The following PLXDC2 variants were observed in gnomAD, a reference collection of about 807,000 sequenced individuals.
PLXDC2 encodes plexin domain containing 2.
PLXDC2 carries 40 observed loss-of-function variants against 68.9 expected under a neutral mutation model. The observed-to-expected ratio is 0.58, with a 90% CI of 0.45 to 0.76. PLXDC2 has a LOEUF of 0.76. PLXDC2 is among the 30% of genes least tolerant of loss of function. The pLI, the probability that PLXDC2 is intolerant of heterozygous loss-of-function variation, is 0.00. For synonymous variants in PLXDC2, 243 were observed against 234.2 expected, an observed-to-expected ratio of 1.04 and a Z score of -0.34; for missense variants, 644 against 661.9, an observed-to-expected ratio of 0.97 and a Z score of 0.30.
intron 6 of PLXDC2, among the ~76,000 whole-genome samples, chr10:20,164,012 T>C (rs560643276): frequency 1.2e-4 from 18 of 152,326 alleles, no homozygotes; most frequent in African/African-American, 4.3e-4. Flanking sequence ...TGTTTTTCTC[T>C]AGATTTTATA....
chr10:20,110,930 A>C (rs1000818261), intron 4 of PLXDC2, among the ~76,000 whole-genome samples: 1 of 151,942 alleles, frequency 6.6e-6, no homozygotes, highest in Non-Finnish European at 1.5e-5. Flanking sequence ...GTCACCTCAC[A>C]CTTGTACTAC....
At chr10:19,831,617 T>A (rs1453770674) in intron 1 of PLXDC2, among the ~76,000 whole-genome samples, 1 of 152,182 alleles carries the variant, frequency 6.6e-6, no homozygotes, top group Admixed American at 6.5e-5. Context: ...CCCCAGTGTC[T>A]GTTGTTCTCT....
At chr10:19,940,222 G>A (rs1833795399) in intron 1 of PLXDC2, among the ~76,000 whole-genome samples, 1 of 149,552 alleles carries the variant, frequency 6.7e-6, no homozygotes, top group Non-Finnish European at 1.5e-5. Context: ...AAAATATAGT[G>A]AAGAACCTTG....
intron 3 of PLXDC2, among the ~76,000 whole-genome samples, chr10:20,057,710 A>C (rs1189607488): frequency 6.6e-6 from 1 of 152,144 alleles, no homozygotes; most frequent in Non-Finnish European, 1.5e-5. Context: ...CATCTGTCTG[A>C]AAAGAAATGC....
intron 1 of PLXDC2, among the ~76,000 whole-genome samples, chr10:19,822,232 A>G (rs551027186): frequency 7.5e-4 from 112 of 149,094 alleles, no homozygotes; most frequent in African/African-American, 2.6e-3. Flanking sequence ...CTACATATGC[A>G]ATATATAATA....
intron 12 of PLXDC2, among the ~76,000 whole-genome samples, chr10:20,240,144 A>G (rs1006644595): frequency 1.3e-5 from 2 of 152,224 alleles, no homozygotes; most frequent in Non-Finnish European, 1.5e-5. Flanking sequence ...TATGTATTCA[A>G]TGTTTAACAC....
intron 1 of PLXDC2, among the ~76,000 whole-genome samples, chr10:19,830,794 C>A (rs1438061882): frequency 6.6e-6 from 1 of 151,830 alleles, no homozygotes; most frequent in Admixed American, 6.6e-5. Context: ...CTAGAGCCAT[C>A]CATAGGCAAT....
chr10:20,211,752 G>A (rs751695772), intron 10 of PLXDC2, 23 bp downstream of exon 10: 1 of 1,608,544 alleles, frequency 6.2e-7, no homozygotes. Flanking sequence ...TATTGTGACA[G>A]AATCCTGGGA....
At chr10:19,963,099 T>C (rs576736081) in intron 1 of PLXDC2, among the ~76,000 whole-genome samples, 1 of 152,264 alleles carries the variant, frequency 6.6e-6, no homozygotes, top group African/African-American at 2.4e-5. Context: ...TTTGTCTGGA[T>C]TCTTTCTGTT....
intron 2 of PLXDC2, among the ~76,000 whole-genome samples, chr10:20,032,268 G>T (rs572878849): frequency 2.0e-5 from 3 of 152,362 alleles, no homozygotes; most frequent in Admixed American, 2.0e-4. Flanking sequence ...AATGTATGAT[G>T]TTGGAGAATA....
At chr10:20,055,654 C>T (rs977791122) in intron 3 of PLXDC2, among the ~76,000 whole-genome samples, 24 of 152,056 alleles carry the variant, frequency 1.6e-4, no homozygotes, top group Non-Finnish European at 2.9e-4. Flanking sequence ...ACAAGTTTAT[C>T]AACCTGGTCT....
intron 7 of PLXDC2, among the ~76,000 whole-genome samples, chr10:20,172,907 C>T (rs1834467667): frequency 6.6e-6 from 1 of 152,116 alleles, no homozygotes; most frequent in African/African-American, 2.4e-5. Flanking sequence ...TTATTGAATG[C>T]CTAATGACAT....
Position 20,289,489 on chromosome 10 carries a change from G to C in PLXDC2, c.*9670G>C, listed in dbSNP as rs1836202612. 1 of 152,132 alleles carries C rather than the reference G, an allele frequency of 6.6e-6. No homozygotes were observed. The highest frequency in any genetic ancestry group is 1.5e-5 in the Non-Finnish European group (1 of 68,030). 9.4% of individuals were successfully genotyped at this position (152,132 alleles called of 1,614,324 possible). On this transcript the variant is annotated 3_prime_UTR_variant, in exon 14 of 14. Coordinates refer to ENST00000377252, the MANE Select transcript of PLXDC2 (RefSeq NM_032812.9). ...GTTCCAGAAGGTTCTCTATTATTCT[G>C]TCCTTCTTCCAAACTGGAAATGGCT...
chr10:20,223,909 CT>C (rs1356490567), intron 12 of PLXDC2, among the ~76,000 whole-genome samples: 1 of 151,086 alleles, frequency 6.6e-6, no homozygotes, highest in Non-Finnish European at 1.5e-5. Flanking sequence ...TTTAAGCCTT[CT>C]TGGTTTCTCT....
At chr10:19,880,700 C>A (rs1340709323) in intron 1 of PLXDC2, among the ~76,000 whole-genome samples, 2 of 152,130 alleles carry the variant, frequency 1.3e-5, no homozygotes, top group Non-Finnish European at 2.9e-5. Flanking sequence ...ATTCTCCCAA[C>A]ATCATCTGTC....
chr10:19,899,213 A>G (rs1456276391), intron 1 of PLXDC2, among the ~76,000 whole-genome samples: 3 of 152,172 alleles, frequency 2.0e-5, no homozygotes, highest in African/African-American at 7.2e-5. Flanking sequence ...CCAGTTGTTT[A>G]TCTGACTTTT....
chr10:20,007,037 C>T (rs1308262868), intron 2 of PLXDC2, among the ~76,000 whole-genome samples: 2 of 152,202 alleles, frequency 1.3e-5, no homozygotes, highest in Non-Finnish European at 2.9e-5. Context: ...ATAGTCACTG[C>T]ATGTGCTACT....
chr10:20,001,542 C>G (rs917950761), intron 1 of PLXDC2, among the ~76,000 whole-genome samples: 1 of 151,816 alleles, frequency 6.6e-6, no homozygotes, highest in African/African-American at 2.4e-5. Flanking sequence ...TTTAAAAACT[C>G]TGCAAGATCT....
At chr10:20,230,703 A>AAAAAAAAAAAAAAAAAAAAAAAAAC (rs1564361122) in intron 12 of PLXDC2, among the ~76,000 whole-genome samples, 1 of 149,436 alleles carries the variant, frequency 6.7e-6, no homozygotes, top group Non-Finnish European at 1.5e-5. Context: ...CAAAAAAAAA[A>AAAAAAAAAAAAAAAAAAAAAAAAAC]AAAAAAAAAA....
Sources: gnomAD v4.1 joint callset for allele counts (sites outside exome capture counted in the v4.1 genomes callset) on GRCh38, gnomAD v4.1.1 for gene constraint, MANE v1.5 for transcripts, NCBI Gene and HGNC (gene_info 2026-07-23, HGNC 2026-07-21) for gene names.